SLIT3: variants seen among roughly 807,000 people sequenced by gnomAD.
SLIT3 encodes slit guidance ligand 3, also known as slit homolog 3 protein.
In SLIT3, 68 loss-of-function variants were observed where a neutral mutation model predicts 184.0. The ratio of observed to expected loss-of-function variants is 0.37; its 90% confidence interval spans 0.30 to 0.45. The LOEUF is 0.45. Ranked by LOEUF, SLIT3 falls within the 20% of genes least tolerant of loss-of-function variation. SLIT3 has a pLI of 1.00. For missense variants in SLIT3, 1,707 were observed against 2,026.0 expected (o/e 0.84, Z 3.02); for synonymous variants, 831 against 828.6 (o/e 1.00, Z -0.05).
In SLIT3 at chr5:168,980,413, C is replaced by T. The variant is rs1754908890; in HGVS notation, c.414-97077G>A. Among the ~76,000 whole-genome samples, 4 of 152,280 alleles carry T rather than the reference C, an allele frequency of 2.6e-5. No homozygotes were observed. In the South Asian group the frequency reaches 8.3e-4, roughly 32 times the overall value. On this transcript the variant is annotated intron_variant, in intron 4 of 35. Transcript: ENST00000519560. ...ATTTTATCTGAGTCCCAAAACCGTC[C>T]TACGAAGTAAATGCTTTTACTTTCA...
chr5:169,068,382 C>T (rs958081643), intron 4 of SLIT3, among the ~76,000 whole-genome samples: 4 of 152,090 alleles, frequency 2.6e-5, no homozygotes, highest in Admixed American at 2.0e-4. Flanking sequence ...ATTTTTCACC[C>T]GTTAGCCAGG....
At chr5:169,267,893 C>G (rs1266843054) in intron 1 of SLIT3, among the ~76,000 whole-genome samples, 1 of 152,192 alleles carries the variant, frequency 6.6e-6, no homozygotes, top group Non-Finnish European at 1.5e-5. Context: ...CTGAATGGTG[C>G]CCACCTCCCA....
At chr5:168,699,374 G>T (rs1396356665) in intron 27 of SLIT3, among the ~76,000 whole-genome samples, 1 of 152,352 alleles carries the variant, frequency 6.6e-6, no homozygotes, top group East Asian at 1.9e-4. Context: ...CACATGGCTT[G>T]GCATGGGGTG....
intron 9 of SLIT3, among the ~76,000 whole-genome samples, chr5:168,795,789 T>C (rs1167023460): frequency 7.2e-5 from 11 of 152,068 alleles, no homozygotes; most frequent in Non-Finnish European, 1.5e-5. Context: ...TAACTCTCCT[T>C]GGAGAAAGAG....
chr5:168,839,770 G>A (rs1266316018), intron 6 of SLIT3, among the ~76,000 whole-genome samples: 1 of 152,058 alleles, frequency 6.6e-6, no homozygotes, highest in African/African-American at 2.4e-5. Flanking sequence ...ACTATGCTTG[G>A]GATTCCCAAT....
chr5:169,259,248 G>A (rs552948222), intron 1 of SLIT3, among the ~76,000 whole-genome samples: 41 of 150,450 alleles, frequency 2.7e-4, no homozygotes, highest in Non-Finnish European at 5.4e-4. Context: ...TAGTAGAGAC[G>A]GGGTTTCACC....
intron 1 of SLIT3, among the ~76,000 whole-genome samples, chr5:169,261,003 G>C (rs966765657): frequency 6.6e-6 from 1 of 152,242 alleles, no homozygotes; most frequent in Non-Finnish European, 1.5e-5. Context: ...TGTAGTGTGA[G>C]AGTAGCCTTA....
intron 7 of SLIT3, among the ~76,000 whole-genome samples, chr5:168,820,517 G>C (rs1475704977): frequency 6.6e-6 from 1 of 152,180 alleles, no homozygotes; most frequent in African/African-American, 2.4e-5. Context: ...GGCCTGGCAC[G>C]CAGCAAACCA....
intron 4 of SLIT3, among the ~76,000 whole-genome samples, chr5:168,974,353 G>T (rs1261125086): frequency 9.9e-5 from 15 of 152,142 alleles, no homozygotes; most frequent in Admixed American, 9.8e-4. Flanking sequence ...TATCTTTCCA[G>T]TTCAAACTAG....
intron 4 of SLIT3, among the ~76,000 whole-genome samples, chr5:169,180,106 G>A (rs945451426): frequency 2.0e-5 from 3 of 152,208 alleles, no homozygotes; most frequent in Admixed American, 6.5e-5. Context: ...CATGACTGCA[G>A]ACAGGGTTGT....
intron 4 of SLIT3, among the ~76,000 whole-genome samples, chr5:168,889,563 A>G (rs895645623): frequency 6.6e-6 from 1 of 152,222 alleles, no homozygotes; most frequent in African/African-American, 2.4e-5. Context: ...GAAGGATATC[A>G]ATAAAAGCTC....
chr5:168,759,480 G>A (rs1451967580), intron 16 of SLIT3, among the ~76,000 whole-genome samples: 1 of 152,134 alleles, frequency 6.6e-6, no homozygotes, highest in African/African-American at 2.4e-5. Flanking sequence ...ACTTAGGATG[G>A]CTAGACAGCC....
intron 3 of SLIT3, among the ~76,000 whole-genome samples, chr5:169,215,195 T>C (rs935743546): frequency 2.0e-5 from 3 of 152,296 alleles, no homozygotes; most frequent in South Asian, 2.1e-4. Flanking sequence ...CCCCCAGCCA[T>C]GACGAACTTC....
intron 4 of SLIT3, among the ~76,000 whole-genome samples, chr5:169,131,288 C>T (rs915037662): frequency 3.3e-5 from 5 of 152,270 alleles, no homozygotes; most frequent in Non-Finnish European, 5.9e-5. Context: ...AGTGGTTCTC[C>T]GAGCGCAGTA....
intron 34 of SLIT3, among the ~76,000 whole-genome samples, chr5:168,670,745 A>G (rs1761213757): frequency 6.6e-6 from 1 of 152,158 alleles, no homozygotes; most frequent in Non-Finnish European, 1.5e-5. Context: ...ACAGTACTGG[A>G]TCTCCTATAT....
At chr5:168,984,588 TG>T (rs1325794525) in intron 4 of SLIT3, among the ~76,000 whole-genome samples, 15 of 152,170 alleles carry the variant, frequency 9.9e-5, no homozygotes, top group South Asian at 4.1e-4. Context: ...TGAGGCTGCA[TG>T]GGGCCTAATG....
chr5:168,706,286 T>C (rs1416241853), intron 26 of SLIT3, among the ~76,000 whole-genome samples: 1 of 152,218 alleles, frequency 6.6e-6, no homozygotes, highest in East Asian at 1.9e-4. Flanking sequence ...GGCAAACCTA[T>C]GAGACAGGTC....
intron 4 of SLIT3, among the ~76,000 whole-genome samples, chr5:169,145,216 A>T (rs556284937): frequency 6.6e-6 from 1 of 152,262 alleles, no homozygotes; most frequent in South Asian, 2.1e-4. Context: ...GCTCTGGAGA[A>T]ACCCATTGTT....
chr5:168,829,006 A>T (rs1391074444), intron 6 of SLIT3, among the ~76,000 whole-genome samples: 2 of 152,196 alleles, frequency 1.3e-5, no homozygotes, highest in Non-Finnish European at 2.9e-5. Flanking sequence ...AGGTGGCTGT[A>T]ACCACCTTTG....
Sources: gnomAD v4.1 joint callset for allele counts (sites outside exome capture counted in the v4.1 genomes callset) on GRCh38, gnomAD v4.1.1 for gene constraint, MANE v1.5 for transcripts, NCBI Gene and HGNC (gene_info 2026-07-23, HGNC 2026-07-21) for gene names.